The following ZNF595 variants were observed in gnomAD, a reference collection of about 807,000 sequenced individuals.
The protein encoded by ZNF595 is zinc finger protein 595.
Under a neutral mutation model 19.4 loss-of-function variants are expected in ZNF595, and 9 were observed. That is an observed-to-expected ratio of 0.46 (90% confidence interval 0.28 to 0.81). The LOEUF (loss-of-function observed/expected upper bound fraction) is 0.81, where lower values mean the gene tolerates loss of function less well. Among genes scored for constraint, ZNF595 ranks in the 30% least tolerant of loss-of-function variants. The pLI is 0.11. For synonymous variants in ZNF595, 255 were observed against 255.9 expected, an observed-to-expected ratio of 1.00 and a Z score of 0.03; for missense variants, 729 against 736.0, an observed-to-expected ratio of 0.99 and a Z score of 0.11.
intron 3 of ZNF595, among the ~76,000 whole-genome samples, chr4:70,515 T>C (rs1439574215): frequency 6.6e-6 from 1 of 152,020 alleles, no homozygotes; most frequent in African/African-American, 2.4e-5. Context: ...TTTTTGTATT[T>C]TTAGTAGAGA....
chr4:76,246 A>G (rs2108757404), intron 3 of ZNF595, among the ~76,000 whole-genome samples: 1 of 152,124 alleles, frequency 6.6e-6, no homozygotes, highest in East Asian at 1.9e-4. Flanking sequence ...TTATGTATTT[A>G]TTTTAGAGAC....
rs1553801644 is a variant in ZNF595, at chr4:86,567, CTTA to C, written c.1068_1070del (p.Ile357del). 8 of 1,613,758 alleles carry C rather than the reference CTTA, an allele frequency of 5.0e-6. No homozygotes were observed. In the South Asian group the frequency reaches 6.6e-5, roughly 13 times the overall value. ...CAAAGCTTTTAACCAATCCTCAAGT[CTTA>C]TTATACACAGGAGCATTCATTCTGA... is the stretch of plus-strand genomic sequence containing the variant. On this transcript the variant is annotated inframe_deletion, in exon 4 of 4. Coordinates refer to ENST00000610261, the MANE Select transcript of ZNF595 (RefSeq NM_182524.4).
At chr4:80,479 C>T (rs1249525581) in intron 3 of ZNF595, among the ~76,000 whole-genome samples, 2 of 152,012 alleles carry the variant, frequency 1.3e-5, no homozygotes, top group African/African-American at 2.4e-5. Flanking sequence ...CATGCGCATC[C>T]GTGTGAAAAG....
At chr4:74,244 C>T (rs980495538) in intron 3 of ZNF595, among the ~76,000 whole-genome samples, 1 of 151,516 alleles carries the variant, frequency 6.6e-6, no homozygotes, top group Non-Finnish European at 1.5e-5. Context: ...TGTTGAGGCT[C>T]TCCAGATTTA....
At chr4:67,798 CAGG>C in intron 3 of ZNF595, 1 of 540,662 alleles carries the variant, frequency 1.8e-6, no homozygotes. Context: ...TGTTTAAAAT[CAGG>C]AGGTATGGTG....
chr4:70,477 A>G (rs1462074451), intron 3 of ZNF595, among the ~76,000 whole-genome samples: 1 of 151,852 alleles, frequency 6.6e-6, no homozygotes, highest in East Asian at 1.9e-4. Context: ...AGGTGGGACT[A>G]CAGGCGTGCA....
chr4:71,191 T>C lies in ZNF595; in HGVS notation c.226+11038T>C, dbSNP rs145337737. 2.6e-3 allele frequency among the ~76,000 whole-genome samples: 391 copies of C among 152,330 alleles called. 1 individual carries two copies. Among genetic ancestry groups the C allele is most frequent in the African/African-American group, 9.1e-3 (378 of 41,578 alleles). On this transcript the variant is annotated intron_variant, in intron 3 of 3. Coordinates refer to ENST00000610261, the MANE Select transcript of ZNF595 (RefSeq NM_182524.4). Reference sequence around the variant, plus strand: ...ACACTACTAATTTTTAAATGCTATATTTTGACTAAATTTATTAGTTCTAAT... The same window carrying C: ...ACACTACTAATTTTTAAATGCTATACTTTGACTAAATTTATTAGTTCTAAT...
rs1714308741 is a variant in ZNF595 at position 87,934 on chromosome 4, C to G, written c.*483C>G. On this transcript the variant is annotated 3_prime_UTR_variant, in exon 4 of 4. Transcript: ENST00000610261. The stretch of plus-strand genomic sequence containing the variant: ...ACAGGGTTTCACAATGCTGGCCAGG[C>G]TGTTCTCGAACTCCTGAGCTCATGA... 6.6e-6 allele frequency: 1 copy of G among 152,294 alleles called. No individual in the cohort carries two copies. The highest frequency in any genetic ancestry group is 2.4e-5 in the African/African-American group (1 of 41,384). The allele number at this position is 152,294 out of a possible 1,614,324, so 9.4% of individuals were successfully genotyped here. A position where few individuals can be genotyped will look rare whatever the true frequency, so the allele number is the denominator to read the frequency against.
At chr4:78,461 T>C (rs1553799180) in intron 3 of ZNF595, among the ~76,000 whole-genome samples, 1 of 152,260 alleles carries the variant, frequency 6.6e-6, no homozygotes, top group Non-Finnish European at 1.5e-5. Flanking sequence ...ATAAAAGTTA[T>C]CTGTGTGGTA....
At chr4:78,507 A>AGGGGCTT (rs1553799188) in intron 3 of ZNF595, among the ~76,000 whole-genome samples, 4 of 152,162 alleles carry the variant, frequency 2.6e-5, no homozygotes, top group Non-Finnish European at 5.9e-5. Flanking sequence ...CTTTGTTCGT[A>AGGGGCTT]AATTATTTAT....
At chr4:82,911 C>G (rs1172449820) in intron 3 of ZNF595, among the ~76,000 whole-genome samples, 1 of 152,122 alleles carries the variant, frequency 6.6e-6, no homozygotes, top group Non-Finnish European at 1.5e-5. Context: ...TTGAAGTCTT[C>G]TATTTCCTTG....
chr4:83,630 AAAAAAAAAAAAAAAAG>A, intron 3 of ZNF595, among the ~76,000 whole-genome samples: 1 of 140,598 alleles, frequency 7.1e-6, no homozygotes, highest in African/African-American at 2.9e-5. Flanking sequence ...AAAAAAAAAA[AAAAAAAAAAAAAAAAG>A]AAAGAAAGAA....
intron 3 of ZNF595, among the ~76,000 whole-genome samples, chr4:77,567 C>T (rs1409682563): frequency 1.3e-5 from 2 of 152,126 alleles, no homozygotes; most frequent in African/African-American, 4.8e-5. Flanking sequence ...GTAAATACTT[C>T]TCCTGTTTGA....
intron 3 of ZNF595, among the ~76,000 whole-genome samples, chr4:68,821 C>A (rs1302674158): frequency 2.6e-5 from 4 of 152,114 alleles, no homozygotes; most frequent in Non-Finnish European, 5.9e-5. Flanking sequence ...TGACTATAGT[C>A]ACTCTGTTGT....
intron 3 of ZNF595, among the ~76,000 whole-genome samples, chr4:80,169 T>C (rs1357539893): frequency 6.6e-6 from 1 of 152,188 alleles, no homozygotes; most frequent in Non-Finnish European, 1.5e-5. Context: ...ATTATAGGCA[T>C]GCACCACCAT....
chr4:85,621 G>C lies in ZNF595; in HGVS notation c.227-110G>C, dbSNP rs192479718. On this transcript the variant is annotated intron_variant, in intron 3 of 3. Transcript: ENST00000610261. ...AAGAAATTATGGCCTGTGATATTTT[G>C]TTATGCTATCTTACTAATGCAGTTT... 9.2e-5 allele frequency: 117 copies of C among 1,269,436 alleles called. No individual in the cohort carries two copies. In the African/African-American group the frequency reaches 1.6e-3, roughly 18 times the overall value. 78.6% of individuals were successfully genotyped at this position (1,269,436 alleles called of 1,614,324 possible).
In ZNF595 at chr4:85,784, T is replaced by G. The variant is rs912441419; in HGVS notation, c.280T>G (p.Ser94Ala). The G allele has an allele frequency of 1.1e-5, 17 of 1,612,588 alleles. No individual in the cohort carries two copies. In the Middle Eastern group the frequency reaches 5.0e-4, roughly 47 times the overall value. ...DLSPVQGIED[S>A]FHKLILKRYE... ...TTCACCAGTGCAGGGGATAGAAGAT[T>G]CATTCCACAAACTTATACTGAAAAG... Residue 94 changes from serine (S) to alanine (A), a missense_variant, in exon 4 of 4, where the codon TCA (serine) becomes GCA (alanine). Physicochemically the swap from Ser to Ala is moderately conservative, Grantham distance 99. Transcript: ENST00000610261.
At chr4:83,362 G>A (rs1463634098) in intron 3 of ZNF595, among the ~76,000 whole-genome samples, 1 of 152,046 alleles carries the variant, frequency 6.6e-6, no homozygotes, top group Non-Finnish European at 1.5e-5. Flanking sequence ...GCTCACGCCT[G>A]TAATCCCAGC....
At chr4:78,150 A>C (rs536839686) in intron 3 of ZNF595, among the ~76,000 whole-genome samples, 110 of 152,234 alleles carry the variant, frequency 7.2e-4, no homozygotes, top group African/African-American at 2.5e-3. Flanking sequence ...CTGGGACTAC[A>C]GGCGTCCGCG....
Sources: allele counts gnomAD v4.1 joint callset (sites outside exome capture counted in the v4.1 genomes callset), GRCh38; gene constraint gnomAD v4.1.1; transcripts MANE v1.5; gene names NCBI Gene and HGNC (gene_info 2026-07-23, HGNC 2026-07-21).